The following CTNNA2 variants were observed in gnomAD, a reference collection of about 807,000 sequenced individuals.
CTNNA2 encodes catenin alpha 2.
In CTNNA2, 42 loss-of-function variants were observed where a neutral mutation model predicts 101.0. The ratio of observed to expected loss-of-function variants is 0.42; its 90% CI spans 0.32 to 0.54. The LOEUF (loss-of-function observed/expected upper bound fraction) is 0.54. Ranked by LOEUF, CTNNA2 falls within the 20% of genes least tolerant of loss-of-function variation. The pLI, the probability that CTNNA2 is intolerant of heterozygous loss-of-function variation, is 0.14. For synonymous variants in CTNNA2, 450 were observed against 456.4 expected (o/e 0.99, Z 0.18); for missense variants, 871 against 1,223.1 (o/e 0.71, Z 4.29).
At chr2:80,536,009 G>A (rs1047902602) in intron 9 of CTNNA2, among the ~76,000 whole-genome samples, 1 of 152,128 alleles carries the variant, frequency 6.6e-6, no homozygotes, top group African/African-American at 2.4e-5. Flanking sequence ...CGAAGGCTGA[G>A]CCTGTTTTTC....
At chr2:80,294,373 C>T (rs1393365966) in intron 7 of CTNNA2, among the ~76,000 whole-genome samples, 1 of 152,146 alleles carries the variant, frequency 6.6e-6, no homozygotes, top group Admixed American at 6.5e-5. Context: ...ATCAGTGCCA[C>T]CAGATGGAGT....
intron 9 of CTNNA2, among the ~76,000 whole-genome samples, chr2:80,482,117 TC>T (rs1686198192): frequency 1.3e-5 from 2 of 152,218 alleles, no homozygotes; most frequent in South Asian, 2.1e-4. Flanking sequence ...ATTACTTCAG[TC>T]ATGTAATAGT....
At chr2:79,902,259 A>G (rs1054096675) in intron 6 of CTNNA2, among the ~76,000 whole-genome samples, 1 of 152,180 alleles carries the variant, frequency 6.6e-6, no homozygotes, top group Non-Finnish European at 1.5e-5. Context: ...GGCTAAGAGC[A>G]TAGACGCCAG....
chr2:80,144,451 A>G (rs570079100), intron 7 of CTNNA2, among the ~76,000 whole-genome samples: 1 of 152,348 alleles, frequency 6.6e-6, no homozygotes, highest in South Asian at 2.1e-4. Flanking sequence ...GTACAAATGT[A>G]AGAATACAAC....
At chr2:79,361,684 G>T (rs1677633315) in intron 3 of CTNNA2, among the ~76,000 whole-genome samples, 1 of 152,026 alleles carries the variant, frequency 6.6e-6, no homozygotes, top group African/African-American at 2.4e-5. Flanking sequence ...CAATCACAAG[G>T]TCCCACAATA....
intron 7 of CTNNA2, among the ~76,000 whole-genome samples, chr2:79,960,892 A>T (rs946685999): frequency 5.9e-5 from 9 of 152,182 alleles, no homozygotes; most frequent in African/African-American, 2.2e-4. Context: ...GCATTAAAGG[A>T]CAGGCATGTA....
At chr2:79,578,292 G>A (rs1675922998) in intron 1 of CTNNA2, among the ~76,000 whole-genome samples, 2 of 151,688 alleles carry the variant, frequency 1.3e-5, no homozygotes, top group African/African-American at 4.8e-5. Context: ...ATATCCCTTT[G>A]TATGTTATAT....
chr2:79,746,007 C>T (rs1230839581), intron 3 of CTNNA2, among the ~76,000 whole-genome samples: 3 of 152,100 alleles, frequency 2.0e-5, no homozygotes, highest in African/African-American at 7.2e-5. Flanking sequence ...GCACCATTTC[C>T]ATAGTAGTGC....
rs535322906 is a variant in CTNNA2, at chr2:79,261,213, C to T, written c.-405-51496C>T. 2.1e-4 allele frequency among the ~76,000 whole-genome samples: 32 copies of T among 152,268 alleles called. No individual in the cohort carries two copies. In the South Asian group the frequency reaches 6.6e-3, roughly 32 times the overall value. On this transcript the variant is annotated intron_variant, in intron 2 of 21. Coordinates refer to the CTNNA2 transcript ENST00000466387. The stretch of plus-strand genomic sequence containing the variant: ...TCAGGGCATTCAGAGATATTTACTC[C>T]TTCCCATCCATACTCCCAGTCTCAC...
intron 12 of CTNNA2, among the ~76,000 whole-genome samples, chr2:80,566,197 C>T (rs1404046177): frequency 6.6e-6 from 1 of 152,178 alleles, no homozygotes; most frequent in African/African-American, 2.4e-5. Context: ...TTTAGAGCAG[C>T]TTACAACATG....
At chr2:79,237,485 T>A (rs1674571522) in intron 2 of CTNNA2, among the ~76,000 whole-genome samples, 1 of 152,208 alleles carries the variant, frequency 6.6e-6, no homozygotes, top group South Asian at 2.1e-4. Flanking sequence ...CTAGCTGCAT[T>A]AGCCCTTAAC....
intron 7 of CTNNA2, among the ~76,000 whole-genome samples, chr2:80,296,510 C>T (rs1415166010): frequency 1.3e-5 from 2 of 152,100 alleles, no homozygotes; most frequent in Non-Finnish European, 2.9e-5. Context: ...TATGTGTTAA[C>T]TTTTGCTGAT....
chr2:80,257,104 C>T (rs558124365), intron 7 of CTNNA2, among the ~76,000 whole-genome samples: 67 of 152,254 alleles, frequency 4.4e-4, no homozygotes, highest in African/African-American at 1.6e-3. Context: ...GATCCAGATG[C>T]ACCATTACAA....
chr2:79,773,843 A>G (rs1213247541), intron 3 of CTNNA2, among the ~76,000 whole-genome samples: 3 of 152,108 alleles, frequency 2.0e-5, no homozygotes, highest in Non-Finnish European at 4.4e-5. Context: ...TGTCCACTAG[A>G]TAGATCCAAC....
At chr2:79,304,094 T>G (rs1168348665) in intron 2 of CTNNA2, among the ~76,000 whole-genome samples, 1 of 152,066 alleles carries the variant, frequency 6.6e-6, no homozygotes, top group African/African-American at 2.4e-5. Flanking sequence ...GTAGCATGTA[T>G]CTAGCTGTCC....
intron 2 of CTNNA2, among the ~76,000 whole-genome samples, chr2:79,702,795 C>T (rs1001172781): frequency 6.6e-5 from 10 of 152,112 alleles, no homozygotes; most frequent in Non-Finnish European, 1.0e-4. Flanking sequence ...TGACTAGTTT[C>T]CTGTTGAAAG....
intron 1 of CTNNA2, among the ~76,000 whole-genome samples, chr2:79,548,531 A>G (rs182692644): frequency 2.0e-5 from 3 of 152,296 alleles, no homozygotes; most frequent in Admixed American, 2.0e-4. Flanking sequence ...TCCACCAGCT[A>G]TGATTCTTTA....
rs142505332 is a variant in CTNNA2, at chr2:79,567,811, T to C, written c.-6+54604T>C. Among the ~76,000 whole-genome samples the C allele has an allele frequency of 2.4e-3, 369 of 152,118 alleles. 1 individual carries two copies. Among genetic ancestry groups the C allele is most frequent in the African/African-American group, 8.5e-3 (352 of 41,520 alleles). ...CAAACTCGGATAATGAATCATCAAC[T>C]TGAATGGTTAAAATTTCAGGGACCA... On this transcript the variant is annotated intron_variant, in intron 1 of 18. Transcript: ENST00000402739.
rs1208966261 is a variant in CTNNA2 at position 79,494,099 on chromosome 2, G to T, written c.-134-10955G>T. 4.6e-5 allele frequency among the ~76,000 whole-genome samples: 7 copies of T among 151,960 alleles called. No individual in the cohort carries two copies. The East Asian group carries it at 1.3e-3, about 29-fold the overall frequency. On this transcript the variant is annotated intron_variant, in intron 4 of 21. Coordinates refer to the CTNNA2 transcript ENST00000466387. ...TAATATAATTAAAAAGAAAGAATTT[G>T]GGAATTAATTTAACAAGACAAGTGC...
Sources: gnomAD v4.1 joint callset for allele counts (sites outside exome capture counted in the v4.1 genomes callset) on GRCh38, gnomAD v4.1.1 for gene constraint, MANE v1.5 for transcripts, NCBI Gene and HGNC (gene_info 2026-07-23, HGNC 2026-07-21) for gene names.